Variants in RUNX1 observed in about 807,000 individuals in gnomAD.
The protein encoded by RUNX1 is RUNX family transcription factor 1, also known as runt-related transcription factor 1.
Under a neutral mutation model 42.8 loss-of-function variants are expected in RUNX1, and 19 were observed. That is an observed-to-expected ratio of 0.44 (90% confidence interval 0.31 to 0.65). RUNX1 has a LOEUF of 0.65. Ranked by LOEUF, RUNX1 falls within the 30% of genes least tolerant of loss-of-function variation. RUNX1 has a pLI of 0.07. For synonymous variants in RUNX1, 271 were observed against 289.4 expected (o/e 0.94, Z 0.64); for missense variants, 528 against 672.0 (o/e 0.79, Z 2.37).
chr21:35,030,565 G>C (rs990206480), intron 2 of RUNX1, among the ~76,000 whole-genome samples: 3 of 152,094 alleles, frequency 2.0e-5, no homozygotes, highest in African/African-American at 7.2e-5. Flanking sequence ...GAGGGCATTA[G>C]ATCGGCTCAA....
intron 4 of RUNX1, among the ~76,000 whole-genome samples, chr21:34,881,621 T>C (rs2057906803): frequency 6.6e-6 from 1 of 152,212 alleles, no homozygotes; most frequent in African/African-American, 2.4e-5. Flanking sequence ...GGTTTTCTGC[T>C]AGCCCAGCTG....
At chr21:34,877,754 G>C (rs1327820837) in intron 5 of RUNX1, among the ~76,000 whole-genome samples, 1 of 152,178 alleles carries the variant, frequency 6.6e-6, no homozygotes, top group Admixed American at 6.5e-5. Context: ...TCGTTTTGTA[G>C]AACAGAGAAA....
chr21:34,933,964 G>A (rs890271568), intron 2 of RUNX1, among the ~76,000 whole-genome samples: 4 of 152,156 alleles, frequency 2.6e-5, no homozygotes, highest in Admixed American at 1.3e-4. Flanking sequence ...GGCTACCTGG[G>A]GGTTCCAGGT....
At chr21:34,913,715 A>T (rs538159944) in intron 2 of RUNX1, among the ~76,000 whole-genome samples, 2 of 152,208 alleles carry the variant, frequency 1.3e-5, no homozygotes, top group East Asian at 3.9e-4. Flanking sequence ...GCTACTTTTA[A>T]TTGCTTCTTA....
chr21:34,792,111 C>G lies in RUNX1; in HGVS notation c.*24G>C, dbSNP rs887383639. On this transcript the variant is annotated 3_prime_UTR_variant, in exon 9 of 9. Transcript: ENST00000675419. This position sits in a 1 kb window ranked among gnomAD's most constrained non-coding sequence, Gnocchi z 6.9. ...GAGGCGAAGGCGGCGGCCCGCGGGG[C>G]CCAGCCGGGCCAGGCCTGGCGCCTC... 7.4e-7 allele frequency: 1 copy of G among 1,351,082 alleles called. No individual in the cohort carries two copies. Among genetic ancestry groups the G allele is most frequent in the Non-Finnish European group, 9.5e-7 (1 of 1,056,458 alleles). The allele number at this position is 1,351,082 out of a possible 1,614,324, so 83.7% of individuals were successfully genotyped here. A position where few individuals can be genotyped will look rare whatever the true frequency, so the allele number is the denominator to read the frequency against.
intron 2 of RUNX1, among the ~76,000 whole-genome samples, chr21:35,011,611 T>C (rs1280841363): frequency 2.0e-5 from 3 of 152,156 alleles, no homozygotes; most frequent in African/African-American, 7.2e-5. Flanking sequence ...TTCAGCGCCC[T>C]CCATGGCCAC....
chr21:34,910,605 G>A (rs747060313), intron 2 of RUNX1, among the ~76,000 whole-genome samples: 7 of 152,154 alleles, frequency 4.6e-5, no homozygotes. Flanking sequence ...TGTGCCAGAT[G>A]AAGCCCTCTT....
intron 2 of RUNX1, among the ~76,000 whole-genome samples, chr21:34,894,608 G>GAGGTTGC (rs1248874737): frequency 6.6e-6 from 1 of 152,082 alleles, no homozygotes; most frequent in Non-Finnish European, 1.5e-5. Context: ...CAAGAGAGGG[G>GAGGTTGC]AGGTTGCGTG....
At chr21:34,846,173 A>T (rs2057312005) in intron 6 of RUNX1, among the ~76,000 whole-genome samples, 1 of 140,252 alleles carries the variant, frequency 7.1e-6, no homozygotes, top group Non-Finnish European at 1.6e-5. Context: ...ACAATTGAGT[A>T]CTTTGTGGGT....
rs148845668 is a variant in RUNX1 at position 34,923,171 on chromosome 21, G to A, written c.59-30208C>T. On this transcript the variant is annotated intron_variant, in intron 2 of 8. Transcript: ENST00000675419. The stretch of plus-strand genomic sequence containing the variant: ...GTTATGGTATGGCTTATCCTTGGCC[G>A]TTAGGACGGGTGGCTGTATAGCTCA... Among the ~76,000 whole-genome samples the A allele has an allele frequency of 1.2e-3, 184 of 152,294 alleles. 1 individual carries two copies. The highest frequency in any genetic ancestry group is 3.4e-3 in the Middle Eastern group (1 of 294).
intron 2 of RUNX1, among the ~76,000 whole-genome samples, chr21:34,966,156 A>T (rs1039619967): frequency 6.6e-6 from 1 of 152,234 alleles, no homozygotes; most frequent in African/African-American, 2.4e-5. Flanking sequence ...CAGAAAACTG[A>T]GGCTGAGAGT....
rs377731497 is a variant in RUNX1 at position 34,928,742 on chromosome 21, T to C, written c.59-35779A>G. 5.3e-5 allele frequency among the ~76,000 whole-genome samples: 8 copies of C among 151,862 alleles called. 1 individual carries two copies. The highest frequency in any genetic ancestry group is 3.9e-4 in the East Asian group (2 of 5,178). ...GATTTAGATTTTTTGGCCAAAGTTA[T>C]ATGTTTCTTGAGATAAAGATCTGAT... On this transcript the variant is annotated intron_variant, in intron 2 of 8. Coordinates refer to ENST00000675419, the MANE Select transcript of RUNX1 (RefSeq NM_001754.5).
chr21:34,872,431 G>A (rs2146311215), intron 5 of RUNX1, among the ~76,000 whole-genome samples: 1 of 152,356 alleles, frequency 6.6e-6, no homozygotes, highest in East Asian at 1.9e-4. Flanking sequence ...ATAGCAGGCA[G>A]GGTCAGTGGC....
intron 2 of RUNX1, among the ~76,000 whole-genome samples, chr21:35,011,743 C>T (rs750825068): frequency 8.5e-5 from 13 of 152,158 alleles, no homozygotes; most frequent in Non-Finnish European, 1.6e-4. Flanking sequence ...AGAATTCTTG[C>T]TAATTACCAT....
chr21:34,898,590 G>GT (rs2058148072), intron 2 of RUNX1, among the ~76,000 whole-genome samples: 1 of 152,132 alleles, frequency 6.6e-6, no homozygotes, highest in Non-Finnish European at 1.5e-5. Context: ...GAGCAGGGGT[G>GT]TTTTTTATTG....
chr21:35,003,950 T>G (rs1176183868), intron 2 of RUNX1, among the ~76,000 whole-genome samples: 5 of 152,254 alleles, frequency 3.3e-5, no homozygotes, highest in African/African-American at 1.2e-4. Flanking sequence ...GGCATTTACC[T>G]TCCAATTCTA....
Position 34,886,922 on chromosome 21 carries a change from C to T in RUNX1, c.272G>A (p.Arg91His), listed in dbSNP as rs1319107369. 1.2e-6 allele frequency: 2 copies of T among 1,613,382 alleles called. No individual in the cohort carries two copies. Among genetic ancestry groups the T allele is most frequent in the Non-Finnish European group, 1.7e-6 (2 of 1,179,734 alleles). The change falls in exon 4 of 9, where the codon CGC becomes CAC. Residue 91 changes from arginine to histidine, a missense_variant. By Grantham distance (29) the Arg-to-His change is conservative. Transcript: ENST00000675419. Reference sequence around the variant, plus strand: ...GCAGAGGAAGTTGGGGCTGTCGGTGCGCACCAGCTCGCCCGGGTGGTCGGC... The same window carrying T: ...GCAGAGGAAGTTGGGGCTGTCGGTGTGCACCAGCTCGCCCGGGTGGTCGGC... The part of the protein sequence containing the change: ...VLADHPGELV[R>H]TDSPNFLCSV...
At chr21:34,933,792 G>A (rs1601586744) in intron 2 of RUNX1, among the ~76,000 whole-genome samples, 1 of 152,172 alleles carries the variant, frequency 6.6e-6, no homozygotes, top group African/African-American at 2.4e-5. Flanking sequence ...CTGGGTCTGG[G>A]TGGCCTTGGA....
At chr21:35,016,982 G>A (rs1015297257) in intron 2 of RUNX1, among the ~76,000 whole-genome samples, 1 of 151,596 alleles carries the variant, frequency 6.6e-6, no homozygotes, top group Non-Finnish European at 1.5e-5. Flanking sequence ...AGGGCCCAAA[G>A]AGCAGTAATG....
Sources: allele counts gnomAD v4.1 joint callset (sites outside exome capture counted in the v4.1 genomes callset), GRCh38; gene constraint gnomAD v4.1.1; non-coding constraint Gnocchi (gnomAD v3.1); transcripts MANE v1.5; gene names NCBI Gene and HGNC (gene_info 2026-07-23, HGNC 2026-07-21).